The following PAN3 variants were observed in gnomAD, a reference collection of about 807,000 sequenced individuals.
PAN3 encodes the protein poly(A) specific ribonuclease subunit PAN3, also known as PAN2-PAN3 deadenylation complex subunit PAN3.
A neutral mutation model predicts 96.2 loss-of-function variants in PAN3; 19 were observed. The ratio of observed to expected loss-of-function variants is 0.20; its 90% CI spans 0.14 to 0.29. The LOEUF (loss-of-function observed/expected upper bound fraction) is 0.29. PAN3 is among the 10% of genes least tolerant of loss of function. PAN3 has a pLI of 1.00. For missense variants in PAN3, 882 were observed against 1,108.1 expected, an observed-to-expected ratio of 0.80 and a Z score of 2.90; for synonymous variants, 433 against 406.6, an observed-to-expected ratio of 1.06 and a Z score of -0.78.
chr13:28,245,010 G>C (rs961232226), intron 6 of PAN3, among the ~76,000 whole-genome samples: 1 of 151,842 alleles, frequency 6.6e-6, no homozygotes, highest in African/African-American at 2.4e-5. Context: ...CACCACGCCC[G>C]GCTTATTTTT....
chr13:28,203,230 C>T (rs1297573052), intron 5 of PAN3, among the ~76,000 whole-genome samples: 2 of 151,878 alleles, frequency 1.3e-5, no homozygotes, highest in Non-Finnish European at 1.5e-5. Context: ...AGCTGCCATG[C>T]CTGACCTTAA....
intron 1 of PAN3, among the ~76,000 whole-genome samples, chr13:28,139,626 C>T (rs1869403375): frequency 6.6e-6 from 1 of 151,202 alleles, no homozygotes; most frequent in South Asian, 2.1e-4. Context: ...TTGTAGAAGG[C>T]TTGCGGGAGA....
intron 6 of PAN3, among the ~76,000 whole-genome samples, chr13:28,228,718 TA>T (rs966383559): frequency 6.6e-5 from 10 of 152,132 alleles, no homozygotes; most frequent in African/African-American, 2.2e-4. Context: ...CTATTGATGT[TA>T]ATTAGTATTG....
chr13:28,272,765 C>T (rs938733304), intron 14 of PAN3, among the ~76,000 whole-genome samples: 14 of 152,128 alleles, frequency 9.2e-5, no homozygotes, highest in Admixed American at 6.6e-5. Context: ...GACAGGGTTT[C>T]TCCATGTTGG....
intron 5 of PAN3, among the ~76,000 whole-genome samples, chr13:28,212,062 T>C (rs1880101464): frequency 6.6e-6 from 1 of 152,196 alleles, no homozygotes; most frequent in African/African-American, 2.4e-5. Context: ...GGGATCCCTC[T>C]TGAATCTTTA....
chr13:28,171,392 A>T (rs897205406), intron 1 of PAN3, among the ~76,000 whole-genome samples: 1 of 152,134 alleles, frequency 6.6e-6, no homozygotes, highest in Non-Finnish European at 1.5e-5. Flanking sequence ...CAATTATGAC[A>T]CTACTTGGAG....
chr13:28,251,431 T>C (rs1056483344), intron 6 of PAN3, among the ~76,000 whole-genome samples: 1 of 152,124 alleles, frequency 6.6e-6, no homozygotes, highest in African/African-American at 2.4e-5. Flanking sequence ...TTCAGCAAGG[T>C]GTCTGAAGAG....
chr13:28,171,257 A>C (rs922566077), intron 1 of PAN3, among the ~76,000 whole-genome samples: 14 of 143,436 alleles, frequency 9.8e-5, no homozygotes, highest in African/African-American at 3.8e-4. Flanking sequence ...CTAGAAAGGA[A>C]CAAAACTTGC....
chr13:28,208,492 C>A (rs756502279), intron 5 of PAN3, among the ~76,000 whole-genome samples: 1 of 152,042 alleles, frequency 6.6e-6, no homozygotes, highest in African/African-American at 2.4e-5. Flanking sequence ...GTTCAGTATA[C>A]CTTATCCAAG....
intron 1 of PAN3, among the ~76,000 whole-genome samples, chr13:28,166,595 C>A (rs1431657241): frequency 6.6e-6 from 1 of 152,214 alleles, no homozygotes; most frequent in Non-Finnish European, 1.5e-5. Context: ...CTTCACTAGA[C>A]ATAACCCTGG....
chr13:28,288,828 A>ATTTTT (rs756889416), intron 18 of PAN3, among the ~76,000 whole-genome samples: 2 of 123,732 alleles, frequency 1.6e-5, no homozygotes, highest in African/African-American at 3.2e-5. Flanking sequence ...TTAACTATAG[A>ATTTTT]TTTTTTTTTT....
intron 6 of PAN3, among the ~76,000 whole-genome samples, chr13:28,246,312 A>T (rs189842597): frequency 2.4e-4 from 37 of 152,058 alleles, no homozygotes; most frequent in African/African-American, 8.7e-4. Context: ...TGTTTTTTTT[A>T]AATTGATACA....
At chr13:28,242,022 A>G (rs1883710525) in intron 6 of PAN3, among the ~76,000 whole-genome samples, 1 of 152,176 alleles carries the variant, frequency 6.6e-6, no homozygotes, top group African/African-American at 2.4e-5. Context: ...AACTATTTGT[A>G]TAACCCATGT....
chr13:28,194,466 A>ATATATTTTTTTTTTTTTTTTTTTT (rs1429166016), intron 4 of PAN3, among the ~76,000 whole-genome samples: 1 of 122,132 alleles, frequency 8.2e-6, no homozygotes, highest in African/African-American at 3.6e-5. Context: ...ATATATATAT[A>ATATATTTTTTTTTTTTTTTTTTTT]TTTTTTTTTT....
At chr13:28,276,991 G>C (rs1451491972) in intron 14 of PAN3, among the ~76,000 whole-genome samples, 1 of 152,150 alleles carries the variant, frequency 6.6e-6, no homozygotes, top group Non-Finnish European at 1.5e-5. Flanking sequence ...ACCTTCATCA[G>C]AATTACCTGG....
At chr13:28,214,270 A>T (rs567325681) in intron 5 of PAN3, among the ~76,000 whole-genome samples, 1 of 152,256 alleles carries the variant, frequency 6.6e-6, no homozygotes, top group African/African-American at 2.4e-5. Context: ...CTTGTGTACA[A>T]ATCTTCACAG....
intron 1 of PAN3, among the ~76,000 whole-genome samples, chr13:28,166,702 T>C (rs1157352921): frequency 6.6e-6 from 1 of 152,228 alleles, no homozygotes; most frequent in Non-Finnish European, 1.5e-5. Flanking sequence ...GGGATAGCCA[T>C]GCCTCTGAGT....
intron 18 of PAN3, among the ~76,000 whole-genome samples, chr13:28,289,120 C>T (rs576323741): frequency 6.6e-6 from 1 of 152,258 alleles, no homozygotes; most frequent in African/African-American, 2.4e-5. Context: ...GCCACCGCAC[C>T]CGGCCTAACT....
intron 1 of PAN3, among the ~76,000 whole-genome samples, chr13:28,171,984 C>T (rs547693884): frequency 1.3e-5 from 2 of 152,214 alleles, no homozygotes; most frequent in South Asian, 2.1e-4. Flanking sequence ...TGTTAGGAAC[C>T]GAGGTCAGAG....
Sources: gnomAD v4.1 joint callset for allele counts (sites outside exome capture counted in the v4.1 genomes callset) on GRCh38, gnomAD v4.1.1 for gene constraint, MANE v1.5 for transcripts, NCBI Gene and HGNC (gene_info 2026-07-23, HGNC 2026-07-21) for gene names.